The following PHLDB2 variants were observed in gnomAD, a reference collection of about 807,000 sequenced individuals.
PHLDB2 encodes pleckstrin homology like domain family B member 2.
Under a neutral mutation model 123.6 loss-of-function variants are expected in PHLDB2, and 71 were observed. That is an observed-to-expected ratio of 0.57 (90% CI 0.47 to 0.70). The LOEUF (loss-of-function observed/expected upper bound fraction) is 0.70. Ranked by LOEUF, PHLDB2 falls within the 30% of genes least tolerant of loss-of-function variation. The pLI is 0.00. For missense variants in PHLDB2, 1,446 were observed against 1,519.5 expected (o/e 0.95, Z 0.80); for synonymous variants, 547 against 541.6 (o/e 1.01, Z -0.14).
intron 1 of PHLDB2, among the ~76,000 whole-genome samples, chr3:111,753,755 T>C (rs2059829391): frequency 6.6e-6 from 1 of 152,094 alleles, no homozygotes; most frequent in African/African-American, 2.4e-5. Flanking sequence ...AATGCTTAGG[T>C]TTTCTTCTAG....
At chr3:111,924,829 T>C (rs2068728084) in intron 5 of PHLDB2, among the ~76,000 whole-genome samples, 1 of 152,142 alleles carries the variant, frequency 6.6e-6, no homozygotes, top group South Asian at 2.1e-4. Flanking sequence ...ATTCAAATCT[T>C]TTGTTTTTTA....
chr3:111,867,395 C>T (rs965795807), intron 1 of PHLDB2, among the ~76,000 whole-genome samples: 2 of 151,904 alleles, frequency 1.3e-5, no homozygotes, highest in African/African-American at 4.8e-5. Flanking sequence ...TTAAACTACA[C>T]AAAAATTTAA....
chr3:111,944,006 T>A (rs1255306688), intron 8 of PHLDB2, among the ~76,000 whole-genome samples: 2 of 152,190 alleles, frequency 1.3e-5, no homozygotes, highest in Non-Finnish European at 2.9e-5. Context: ...GGAGCATGGA[T>A]AAGCAAATTG....
At position 111,973,275 on chromosome 3, in the gene PHLDB2, A is replaced by G. The variant is rs971050820; in HGVS notation, c.3536-457A>G. ...ACGCACCCTGAATAAGAAATTTGAT[A>G]GGAAATAAATATGGGTAGAAAATTA... On this transcript the variant is annotated intron_variant, in intron 16 of 17. Coordinates refer to ENST00000431670, the MANE Select transcript of PHLDB2 (RefSeq NM_001134438.2). 6.6e-5 allele frequency among the ~76,000 whole-genome samples: 10 copies of G among 152,356 alleles called. No individual in the cohort carries two copies. In the East Asian group the frequency reaches 9.6e-4, roughly 15 times the overall value.
chr3:111,949,088 G>C lies in PHLDB2; in HGVS notation c.2631+13G>C. 6.2e-7 allele frequency: 1 copy of C among 1,612,682 alleles called. No individual in the cohort carries two copies. Among genetic ancestry groups the C allele is most frequent in the Non-Finnish European group, 8.5e-7 (1 of 1,179,652 alleles). ...ACAGAGTAAAGAGGTGTGTAGGCAT[G>C]ACGTTTCATTCATTCACTGCTTTTC... On this transcript the variant is annotated intron_variant, in intron 10 of 17. Transcript: ENST00000431670.
chr3:111,785,458 T>C (rs972871249), intron 1 of PHLDB2, among the ~76,000 whole-genome samples: 1 of 152,188 alleles, frequency 6.6e-6, no homozygotes, highest in Non-Finnish European at 1.5e-5. Flanking sequence ...CCTTGAAGGA[T>C]ACATTTGGAA....
upstream of PHLDB2, among the ~76,000 whole-genome samples, chr3:111,857,185 C>G (rs1460085702): frequency 6.6e-6 from 1 of 152,158 alleles, no homozygotes; most frequent in Non-Finnish European, 1.5e-5. Context: ...GGCACAGTGG[C>G]TCACACCTGT....
At chr3:111,805,471 G>C (rs1313617122) in intron 1 of PHLDB2, among the ~76,000 whole-genome samples, 1 of 150,480 alleles carries the variant, frequency 6.6e-6, no homozygotes. Flanking sequence ...TGAGGCAGGA[G>C]AATGGCACGA....
chr3:111,754,217 C>T (rs1178366055), intron 1 of PHLDB2, among the ~76,000 whole-genome samples: 9 of 148,494 alleles, frequency 6.1e-5, no homozygotes, highest in Non-Finnish European at 1.2e-4. Context: ...GGGGATGGCA[C>T]TGAATCTATA....
intron 1 of PHLDB2, among the ~76,000 whole-genome samples, chr3:111,813,715 A>T (rs2061947502): frequency 6.6e-6 from 1 of 152,238 alleles, no homozygotes; most frequent in Non-Finnish European, 1.5e-5. Context: ...AATCTGGTTC[A>T]GACTTTCTCT....
At chr3:111,747,323 T>C (rs1056487707) in intron 1 of PHLDB2, among the ~76,000 whole-genome samples, 1 of 152,134 alleles carries the variant, frequency 6.6e-6, no homozygotes, top group Non-Finnish European at 1.5e-5. Context: ...AGCACAAGAA[T>C]GACTGAAATT....
chr3:111,787,385 G>C (rs1576600220), intron 1 of PHLDB2, among the ~76,000 whole-genome samples: 1 of 152,272 alleles, frequency 6.6e-6, no homozygotes. Context: ...AAATCAAATG[G>C]AACTTATAAG....
chr3:111,956,367 T>G (rs140834577), intron 12 of PHLDB2, among the ~76,000 whole-genome samples: 9 of 152,336 alleles, frequency 5.9e-5, no homozygotes, highest in African/African-American at 1.9e-4. Flanking sequence ...TCTAATCTGT[T>G]TTCCCCTGAA....
intron 1 of PHLDB2, among the ~76,000 whole-genome samples, chr3:111,751,590 G>C (rs534509141): frequency 6.7e-6 from 1 of 149,910 alleles, no homozygotes; most frequent in South Asian, 2.1e-4. Flanking sequence ...TGGAGACACA[G>C]CCCATGAATC....
chr3:111,973,826 C>T lies in PHLDB2; in HGVS notation c.3621+9C>T. 1 of 1,515,424 alleles carries T rather than the reference C, an allele frequency of 6.6e-7. No individual in the cohort carries two copies. The highest frequency in any genetic ancestry group is 9.1e-7 in the Non-Finnish European group (1 of 1,104,934). 93.9% of individuals were successfully genotyped at this position (1,515,424 alleles called of 1,614,324 possible). On this transcript the variant is annotated intron_variant, in intron 17 of 17. Transcript: ENST00000431670. ...TCAAGAATGCTAATAAGGTAAACAT[C>T]AGTTTTCTAAATTCCTACAATTTGA... is the stretch of plus-strand genomic sequence containing the variant.
rs73852730 is a variant in PHLDB2, at chr3:111,918,177, A to G, written c.1720-895A>G. On this transcript the variant is annotated intron_variant, in intron 3 of 17. Transcript: ENST00000431670. ...ACTCCATTCTCTTCTTGAAGAATAA[A>G]CAGTCACATTTTGACTGTGTGTGTG... Among the ~76,000 whole-genome samples the G allele has an allele frequency of 6.3e-3, 963 of 152,348 alleles. 14 individuals are homozygous for G. The highest frequency in any genetic ancestry group is 0.022 in the African/African-American group (907 of 41,574).
intron 3 of PHLDB2, chr3:111,916,435 C>G (rs573885971): frequency 6.6e-6 from 1 of 152,340 alleles, no homozygotes; most frequent in South Asian, 2.1e-4. Context: ...CATGCTCTTT[C>G]TCTTCAATTA....
intron 5 of PHLDB2, among the ~76,000 whole-genome samples, chr3:111,931,808 T>C (rs1220485764): frequency 6.6e-6 from 1 of 152,216 alleles, no homozygotes; most frequent in Non-Finnish European, 1.5e-5. Context: ...ACCAGTTAAT[T>C]CCAAAACTTG....
At chr3:111,788,381 G>A (rs1038631812) in intron 1 of PHLDB2, among the ~76,000 whole-genome samples, 3 of 152,182 alleles carry the variant, frequency 2.0e-5, no homozygotes, top group Non-Finnish European at 4.4e-5. Flanking sequence ...ACTTTTGTGT[G>A]TCAGTCTGCT....
Sources: gnomAD v4.1 joint callset for allele counts (sites outside exome capture counted in the v4.1 genomes callset) on GRCh38, gnomAD v4.1.1 for gene constraint, MANE v1.5 for transcripts, NCBI Gene and HGNC (gene_info 2026-07-23, HGNC 2026-07-21) for gene names.